The following SMYD3 variants were observed in gnomAD, a reference collection of about 807,000 sequenced individuals.
The protein encoded by SMYD3 is SET and MYND domain containing 3, also known as histone-lysine N-methyltransferase SMYD3.
A neutral mutation model predicts 57.7 loss-of-function variants in SMYD3; 36 were observed. The observed-to-expected ratio is 0.62, with a 90% CI of 0.48 to 0.82. SMYD3 has a LOEUF of 0.82. Ranked by LOEUF, SMYD3 falls within the 40% of genes least tolerant of loss-of-function variation. SMYD3 has a pLI of 0.00. For missense variants in SMYD3, 515 were observed against 538.8 expected (o/e 0.96, Z 0.44); for synonymous variants, 211 against 195.0 (o/e 1.08, Z -0.68).
intron 5 of SMYD3, among the ~76,000 whole-genome samples, chr1:246,056,685 T>C (rs992782143): frequency 6.6e-6 from 1 of 151,982 alleles, no homozygotes; most frequent in Non-Finnish European, 1.5e-5. Flanking sequence ...CTGATGGATA[T>C]GCTAATTACC....
At chr1:246,326,695 C>T in intron 5 of SMYD3, 2 of 289,000 alleles carry the variant, frequency 6.9e-6, no homozygotes, top group Non-Finnish European at 1.3e-5. Flanking sequence ...TTCTGGGAGG[C>T]GGAGATTGCA....
intron 5 of SMYD3, among the ~76,000 whole-genome samples, chr1:246,047,487 T>G (rs2059989677): frequency 6.6e-6 from 1 of 152,230 alleles, no homozygotes. Flanking sequence ...CTGGATTGTA[T>G]TACCTCAAAG....
chr1:245,984,245 G>C (rs955259083), intron 5 of SMYD3, among the ~76,000 whole-genome samples: 1 of 152,014 alleles, frequency 6.6e-6, no homozygotes, highest in African/African-American at 2.4e-5. Flanking sequence ...GATCCGTCCC[G>C]CCTTGGCCTG....
At chr1:246,122,593 T>C (rs1400787768) in intron 5 of SMYD3, among the ~76,000 whole-genome samples, 1 of 152,224 alleles carries the variant, frequency 6.6e-6, no homozygotes, top group Non-Finnish European at 1.5e-5. Context: ...GAAATATCCC[T>C]AGTTGCCAAG....
In SMYD3 at chr1:246,507,224, G is replaced by C; in HGVS notation, c.-7C>G. On this transcript the variant is annotated 5_prime_UTR_variant, in exon 1 of 12. Coordinates refer to ENST00000490107, the MANE Select transcript of SMYD3 (RefSeq NM_001167740.2). ...CCACCTTCAGCGGCTCCATCCTCCC[G>C]CAGCTCCGGCACCTCAGACGGCTAC... The C allele has an allele frequency of 6.6e-7, 1 of 1,512,984 alleles. No homozygotes were observed. The highest frequency in any genetic ancestry group is 8.9e-7 in the Non-Finnish European group (1 of 1,128,162). The allele number at this position is 1,512,984 out of a possible 1,614,324, so 93.7% of individuals were successfully genotyped here.
rs1373964401 is a variant in SMYD3, at chr1:246,452,061, CTAATT to C, written c.164+54988_164+54992del. ...AGGACTAAATCTCTCACTTCCTATT[CTAATT>C]TAACATTCTTTTAAATTTTAAAAGA... On this transcript the variant is annotated intron_variant, in intron 1 of 11. Coordinates refer to ENST00000490107, the MANE Select transcript of SMYD3 (RefSeq NM_001167740.2). Among the ~76,000 whole-genome samples the C allele has an allele frequency of 3.3e-5, 5 of 152,252 alleles. No individual in the cohort carries two copies. In the South Asian group the frequency reaches 1.0e-3, roughly 32 times the overall value.
At chr1:246,473,670 T>C (rs2067989859) in intron 1 of SMYD3, among the ~76,000 whole-genome samples, 1 of 152,168 alleles carries the variant, frequency 6.6e-6, no homozygotes, top group Admixed American at 6.6e-5. Context: ...TTATGACATA[T>C]TGTTATTATT....
At chr1:246,163,955 A>C (rs1216919407) in intron 5 of SMYD3, among the ~76,000 whole-genome samples, 1 of 152,212 alleles carries the variant, frequency 6.6e-6, no homozygotes, top group Admixed American at 6.5e-5. Context: ...GGAGATCTGC[A>C]GACATCTTAA....
At chr1:245,957,333 C>T (rs532025983) in intron 5 of SMYD3, among the ~76,000 whole-genome samples, 1 of 152,310 alleles carries the variant, frequency 6.6e-6, no homozygotes, top group African/African-American at 2.4e-5. Context: ...CCCTTTCCTT[C>T]ATTCCTGTTT....
intron 5 of SMYD3, chr1:246,189,185 G>T (rs2062694384): frequency 6.6e-6 from 1 of 152,192 alleles, no homozygotes; most frequent in Non-Finnish European, 1.5e-5. Context: ...TTCTTAAAGA[G>T]AAAGGTACCT....
At chr1:245,857,512 A>T (rs2051308952) in intron 10 of SMYD3, among the ~76,000 whole-genome samples, 1 of 38,608 alleles carries the variant, frequency 2.6e-5, no homozygotes, top group Admixed American at 2.8e-4. Context: ...CTGTTGTCCT[A>T]CGTTGCCCCT....
chr1:246,132,125 A>G (rs1009976922), intron 5 of SMYD3, among the ~76,000 whole-genome samples: 4 of 152,178 alleles, frequency 2.6e-5, no homozygotes, highest in Non-Finnish European at 5.9e-5. Flanking sequence ...GAGATCATAA[A>G]AGGCATGCTT....
At chr1:246,076,198 A>G (rs2147813111) in intron 5 of SMYD3, among the ~76,000 whole-genome samples, 1 of 152,308 alleles carries the variant, frequency 6.6e-6, no homozygotes, top group Middle Eastern at 3.4e-3. Flanking sequence ...AAAAGAAACT[A>G]TATAAAGAAA....
chr1:246,112,406 A>T (rs2061259796), intron 5 of SMYD3, among the ~76,000 whole-genome samples: 1 of 152,190 alleles, frequency 6.6e-6, no homozygotes, highest in Non-Finnish European at 1.5e-5. Context: ...TCGATGTTAA[A>T]ATTTTGGTAT....
chr1:246,481,810 T>A (rs1453020270), intron 1 of SMYD3, among the ~76,000 whole-genome samples: 1 of 150,462 alleles, frequency 6.6e-6, no homozygotes, highest in Non-Finnish European at 1.5e-5. Flanking sequence ...GATCGATCGA[T>A]CAATACTCTA....
chr1:246,348,928 G>A (rs2065773557), intron 2 of SMYD3, among the ~76,000 whole-genome samples: 1 of 151,918 alleles, frequency 6.6e-6, no homozygotes, highest in Admixed American at 6.6e-5. Flanking sequence ...GTACAAGAGA[G>A]TGGAATGAAA....
At chr1:246,397,921 A>T (rs2066700328) in intron 1 of SMYD3, among the ~76,000 whole-genome samples, 1 of 151,642 alleles carries the variant, frequency 6.6e-6, no homozygotes, top group Non-Finnish European at 1.5e-5. Flanking sequence ...ATAAAAAAAA[A>T]AAAAGCAAGA....
At chr1:246,196,157 C>T (rs1019235132) in intron 5 of SMYD3, among the ~76,000 whole-genome samples, 3 of 152,004 alleles carry the variant, frequency 2.0e-5, no homozygotes, top group African/African-American at 4.8e-5. Context: ...TAGGCCTGGG[C>T]AGGGGTGATA....
rs561737478 is a variant in SMYD3, at chr1:246,307,949, A to G, written c.531+19252T>C. On this transcript the variant is annotated intron_variant, in intron 5 of 11. Transcript: ENST00000490107. ...CAGGTACCTCGGTAGCCTATTTGCA[A>G]TGGTGACTGTTAAATTCTAGGAAGT... Among the ~76,000 whole-genome samples, 38 of 152,268 alleles carry G rather than the reference A, an allele frequency of 2.5e-4. 1 individual carries two copies. The highest frequency in any genetic ancestry group is 8.4e-4 in the African/African-American group (35 of 41,546).
Sources: gnomAD v4.1 joint callset for allele counts (sites outside exome capture counted in the v4.1 genomes callset) on GRCh38, gnomAD v4.1.1 for gene constraint, MANE v1.5 for transcripts, NCBI Gene and HGNC (gene_info 2026-07-23, HGNC 2026-07-21) for gene names.